PSMA6: variants seen among roughly 807,000 people sequenced by gnomAD.
The protein encoded by PSMA6 is proteasome subunit alpha type-6.
For synonymous variants in PSMA6, 88 were observed against 97.7 expected, an observed-to-expected ratio of 0.90 and a Z score of 0.59; for missense variants, 170 against 294.8, an observed-to-expected ratio of 0.58 and a Z score of 3.10.
chr14:35,290,732 AAAAC>A (rs1370627545), upstream of PSMA6, among the ~76,000 whole-genome samples: 3 of 152,214 alleles, frequency 2.0e-5, no homozygotes, highest in African/African-American at 7.2e-5. Context: ...TCTGGGGAGA[AAAAC>A]AACTATCCTA....
Position 35,317,267 on chromosome 14 carries a change from G to A in PSMA6, c.702G>A (p.Glu234=). Reference sequence around the variant, plus strand: ...CTTCTAGGATTCTTACAGAAGCAGAGATTGATGCTCACCTTGTTGCTCTAG... The same window carrying A: ...CTTCTAGGATTCTTACAGAAGCAGAAATTGATGCTCACCTTGTTGCTCTAG... The part of the protein sequence containing the change: ...NPKFRILTEA[E]IDAHLVALAE... Residue 234 remains glutamate (E), a synonymous_variant, in exon 7 of 7, where the codon GAG becomes GAA. Coordinates refer to ENST00000261479, the MANE Select transcript of PSMA6 (RefSeq NM_002791.3). The A allele has an allele frequency of 6.2e-7, 1 of 1,612,968 alleles. No homozygotes were observed. The highest frequency in any genetic ancestry group is 8.5e-7 in the Non-Finnish European group (1 of 1,179,486).
At chr14:35,313,179 T>C in intron 5 of PSMA6, 120 bp downstream of exon 5, 1 of 949,354 alleles carries the variant, frequency 1.1e-6, no homozygotes, top group African/African-American at 1.7e-5. Flanking sequence ...GTCAACTTAA[T>C]AATGAAATTG....
At chr14:35,311,068 T>C (rs1045995242) in intron 4 of PSMA6, 173 bp downstream of exon 4, 4 of 594,610 alleles carry the variant, frequency 6.7e-6, no homozygotes, top group Non-Finnish European at 1.1e-5. Context: ...CACAACAGTA[T>C]GTCGGGCATT....
rs79173803 is a variant in PSMA6, at chr14:35,301,506, C to CA, written c.77-6475dup. On this transcript the variant is annotated intron_variant, in intron 1 of 6. Coordinates refer to ENST00000261479, the MANE Select transcript of PSMA6 (RefSeq NM_002791.3). ...TGAGTGACAGAGTGAGACTCCATCT[C>CA]AAAAAAAAAAAAACTTTAAAATCCA... Among the ~76,000 whole-genome samples, 898 of 142,224 alleles carry CA rather than the reference C, an allele frequency of 6.3e-3. 6 individuals carry two copies. The highest frequency in any genetic ancestry group is 0.018 in the Middle Eastern group (5 of 278). 93.3% of individuals were successfully genotyped at this position (142,224 alleles called of 152,430 possible). A position where few individuals can be genotyped will look rare whatever the true frequency, so the allele number is the denominator to read the frequency against.
intron 1 of PSMA6, among the ~76,000 whole-genome samples, chr14:35,280,263 A>G (rs984301574): frequency 6.6e-6 from 1 of 152,186 alleles, no homozygotes; most frequent in African/African-American, 2.4e-5. Flanking sequence ...AACATGGCAA[A>G]ACCCTGTCTC....
At chr14:35,296,951 T>C (rs1051619077) in intron 1 of PSMA6, among the ~76,000 whole-genome samples, 2 of 147,368 alleles carry the variant, frequency 1.4e-5, no homozygotes, top group Non-Finnish European at 3.0e-5. Flanking sequence ...CCCCTCTCTT[T>C]CCCCCTCCCC....
At chr14:35,285,930 G>T (rs749521344) in intron 1 of PSMA6, among the ~76,000 whole-genome samples, 5 of 152,208 alleles carry the variant, frequency 3.3e-5, no homozygotes, top group Non-Finnish European at 5.9e-5. Flanking sequence ...AATAATAGCA[G>T]TGTGCAGTGC....
chr14:35,312,965 C>A lies in PSMA6; in HGVS notation c.494C>A (p.Ala165Asp). The stretch of plus-strand genomic sequence containing the variant: ...GCAGGTTACTACTGTGGGTTTAAAG[C>A]CACTGCAGCGGGAGTTAAACAAACT... ...DPAGYYCGFK[A>D]TAAGVKQTES... The change falls in exon 5 of 7, where the codon GCC (alanine) becomes GAC (aspartate). Residue 165 changes from alanine to aspartate, a missense_variant. Ala to Asp is a moderately radical substitution (Grantham distance 126). Coordinates refer to ENST00000261479, the MANE Select transcript of PSMA6 (RefSeq NM_002791.3). The A allele has an allele frequency of 1.3e-6, 2 of 1,588,128 alleles. No individual in the cohort carries two copies. The highest frequency in any genetic ancestry group is 1.4e-5 in the African/African-American group (1 of 72,632).
At chr14:35,296,386 AAT>A in intron 1 of PSMA6, among the ~76,000 whole-genome samples, 1 of 152,152 alleles carries the variant, frequency 6.6e-6, no homozygotes, top group African/African-American at 2.4e-5. Flanking sequence ...GCTAGAGTGC[AAT>A]GGCGTGATCT....
intron 1 of PSMA6, among the ~76,000 whole-genome samples, chr14:35,304,394 C>T (rs1186933910): frequency 1.3e-5 from 2 of 152,150 alleles, no homozygotes; most frequent in African/African-American, 2.4e-5. Flanking sequence ...GTCCTAGAAC[C>T]AATCCCCACA....
upstream of PSMA6, among the ~76,000 whole-genome samples, chr14:35,291,853 A>C (rs2051488266): frequency 6.6e-6 from 1 of 151,078 alleles, no homozygotes; most frequent in African/African-American, 2.4e-5. Flanking sequence ...AAAAAGACTA[A>C]AAATTGTCGG....
At chr14:35,303,734 A>G (rs10141237) in intron 1 of PSMA6, among the ~76,000 whole-genome samples, 22,344 of 152,162 alleles carry the variant, frequency 0.15, 2,027 homozygotes, top group African/African-American at 0.25. Flanking sequence ...TCATGGGTTC[A>G]TCATCCATGG....
At position 35,292,567 on chromosome 14, in the gene PSMA6, TTC is replaced by T; in HGVS notation, c.76+16_76+17del. 6.2e-7 allele frequency: 1 copy of T among 1,612,616 alleles called. No individual in the cohort carries two copies. The highest frequency in any genetic ancestry group is 1.1e-5 in the South Asian group (1 of 90,924). On this transcript the variant is annotated intron_variant, in intron 1 of 6. Transcript: ENST00000261479. Reference sequence around the variant, plus strand: ...CTACCAAGTAGGTGAGTGAACCAGGTTCGCCTGTGGGCCACCTGAATTGCCCT... The same window carrying T: ...CTACCAAGTAGGTGAGTGAACCAGGTGCCTGTGGGCCACCTGAATTGCCCT...
intron 2 of PSMA6, chr14:35,308,707 T>C (rs543468168): frequency 6.5e-6 from 3 of 464,170 alleles, no homozygotes; most frequent in African/African-American, 6.1e-5. Context: ...AAGTATCATC[T>C]AGAAAAGGTA....
chr14:35,285,286 G>A (rs2051408198), intron 1 of PSMA6, among the ~76,000 whole-genome samples: 1 of 148,486 alleles, frequency 6.7e-6, no homozygotes, highest in East Asian at 2.0e-4. Context: ...GTTGCAGTGA[G>A]CCAAGATCGT....
chr14:35,308,176 C>G, intron 2 of PSMA6, 88 bp downstream of exon 2: 2 of 1,522,724 alleles, frequency 1.3e-6, no homozygotes, highest in South Asian at 2.3e-5. Flanking sequence ...AATCCCAGCA[C>G]TTTGGGAGGC....
chr14:35,308,611 A>C (rs192712301), intron 2 of PSMA6, among the ~76,000 whole-genome samples: 5 of 152,312 alleles, frequency 3.3e-5, no homozygotes. Flanking sequence ...TCATGGCGTG[A>C]TTATAAGCAT....
At chr14:35,298,402 A>G (rs1380572775) in intron 1 of PSMA6, among the ~76,000 whole-genome samples, 1 of 151,990 alleles carries the variant, frequency 6.6e-6, no homozygotes, top group African/African-American at 2.4e-5. Flanking sequence ...AGACAGGAGA[A>G]TTGCTTGAGC....
intron 3 of PSMA6, 47 bp downstream of exon 3, chr14:35,309,042 T>G (rs947433396): frequency 6.8e-6 from 9 of 1,327,340 alleles, no homozygotes; most frequent in Non-Finnish European, 9.5e-6. Flanking sequence ...ATACAAGCCT[T>G]TTGTTATTTT....
Sources: allele counts gnomAD v4.1 joint callset (sites outside exome capture counted in the v4.1 genomes callset), GRCh38; gene constraint gnomAD v4.1.1; transcripts MANE v1.5; gene names NCBI Gene and HGNC (gene_info 2026-07-23, HGNC 2026-07-21).